The following KYAT1 variants were observed in gnomAD, a reference collection of about 807,000 sequenced individuals.
The protein encoded by KYAT1 is kynurenine aminotransferase 1, also known as kynurenine--oxoglutarate transaminase 1.
A neutral mutation model predicts 52.4 loss-of-function variants in KYAT1; 47 were observed. The observed-to-expected ratio is 0.90, with a 90% CI of 0.71 to 1.14. KYAT1 has a LOEUF of 1.14. Among genes scored for constraint, KYAT1 ranks in the 50% most tolerant of loss-of-function variants. The pLI is 0.00. For synonymous variants in KYAT1, 212 were observed against 209.6 expected, an observed-to-expected ratio of 1.01 and a Z score of -0.10; for missense variants, 480 against 557.9, an observed-to-expected ratio of 0.86 and a Z score of 1.41.
chr9:128,864,982 C>A (rs1233094188), intron 1 of KYAT1, among the ~76,000 whole-genome samples: 2 of 151,428 alleles, frequency 1.3e-5, no homozygotes, highest in Non-Finnish European at 2.9e-5. Flanking sequence ...CTTATGCCTG[C>A]AAGAGAGGCC....
chr9:128,870,610 C>T (rs1723101318), intron 1 of KYAT1, among the ~76,000 whole-genome samples: 1 of 152,044 alleles, frequency 6.6e-6, no homozygotes, highest in South Asian at 2.1e-4. Context: ...GCACTCCAGT[C>T]TGGACAACAG....
intron 1 of KYAT1, among the ~76,000 whole-genome samples, chr9:128,852,226 G>C (rs78383211): frequency 6.6e-6 from 1 of 152,178 alleles, no homozygotes; most frequent in Non-Finnish European, 1.5e-5. Flanking sequence ...CTTAAGAGCT[G>C]TTAATGCCAT....
At chr9:128,870,361 G>A (rs1050937103) in intron 1 of KYAT1, among the ~76,000 whole-genome samples, 1 of 152,180 alleles carries the variant, frequency 6.6e-6, no homozygotes, top group Admixed American at 6.6e-5. Flanking sequence ...AATATATTAA[G>A]TGAGGCCAGG....
At chr9:128,865,359 A>ATTTTTTTTTTATTTT (rs1836208522) in intron 1 of KYAT1, among the ~76,000 whole-genome samples, 3 of 27,318 alleles carry the variant, frequency 1.1e-4, no homozygotes, top group African/African-American at 1.0e-3. Flanking sequence ...ATATATATAT[A>ATTTTTTTTTTATTTT]TTTTTTTTTT....
intron 1 of KYAT1, among the ~76,000 whole-genome samples, chr9:128,858,534 C>T (rs1835001340): frequency 6.7e-6 from 1 of 150,206 alleles, no homozygotes; most frequent in Non-Finnish European, 1.5e-5. Flanking sequence ...CCCATCTCTA[C>T]TAAAACTACA....
intron 2 of KYAT1, among the ~76,000 whole-genome samples, chr9:128,843,810 G>A (rs1227496045): frequency 6.6e-6 from 1 of 152,126 alleles, no homozygotes; most frequent in Non-Finnish European, 1.5e-5. Context: ...CCAAATACTA[G>A]TTGAGACCCC....
At chr9:128,878,586 G>A (rs1838348844) in intron 1 of KYAT1, among the ~76,000 whole-genome samples, 1 of 152,132 alleles carries the variant, frequency 6.6e-6, no homozygotes, top group African/African-American at 2.4e-5. Flanking sequence ...ACAATTTGTT[G>A]AGCCAATGTT....
chr9:128,840,575 A>AAAAG (rs991828178), intron 3 of KYAT1: 14 of 424,162 alleles, frequency 3.3e-5, no homozygotes, highest in East Asian at 1.4e-4. Flanking sequence ...AAAGAAAAAA[A>AAAAG]AAAGAAAGAA....
chr9:128,865,332 TATATATATATATATATATATA>T (rs1836124531), intron 1 of KYAT1, among the ~76,000 whole-genome samples: 25 of 2,346 alleles, frequency 0.011, 2 homozygotes, highest in East Asian at 0.025. Flanking sequence ...TATATATATA[TATATATATATATATATATATA>T]TATATATTTT....
intron 11 of KYAT1, among the ~76,000 whole-genome samples, chr9:128,834,139 TCCCAGCTACTTGGG>T (rs1830586884): frequency 6.6e-6 from 1 of 152,152 alleles, no homozygotes; most frequent in South Asian, 2.1e-4. Context: ...ATGCCTGTAA[TCCCAGCTACTTGGG>T]AGGCTGAGGC....
intron 1 of KYAT1, among the ~76,000 whole-genome samples, chr9:128,873,426 T>C (rs996870221): frequency 2.0e-5 from 3 of 149,944 alleles, no homozygotes; most frequent in Non-Finnish European, 4.4e-5. Flanking sequence ...ACACTGAAAA[T>C]TAAGACGTTT....
rs74942940 is a variant in KYAT1, at chr9:128,873,363, GA to G, written c.-7+8533del. On this transcript the variant is annotated intron_variant, in intron 1 of 12. Coordinates refer to ENST00000302586, the MANE Select transcript of KYAT1 (RefSeq NM_004059.5). Reference sequence around the variant, plus strand: ...TTAAAAATAAAAAAGTATAGAAAATGAAAAAAAAAAAAAACTAATAAGAACT... The same window carrying G: ...TTAAAAATAAAAAAGTATAGAAAATGAAAAAAAAAAAAACTAATAAGAACT... 3.9e-3 allele frequency among the ~76,000 whole-genome samples: 416 copies of G among 107,702 alleles called. 4 individuals carry two copies. The highest frequency in any genetic ancestry group is 0.014 in the Middle Eastern group (3 of 214). The allele number at this position is 107,702 out of a possible 152,430, so 70.7% of individuals were successfully genotyped here.
chr9:128,851,092 G>C (rs1483601335), intron 1 of KYAT1, among the ~76,000 whole-genome samples: 2 of 152,174 alleles, frequency 1.3e-5, no homozygotes, highest in Non-Finnish European at 2.9e-5. Context: ...ACCGGTACTG[G>C]TGCAGGTCCT....
chr9:128,877,413 C>T (rs1838204186), intron 1 of KYAT1, among the ~76,000 whole-genome samples: 1 of 152,204 alleles, frequency 6.6e-6, no homozygotes, highest in Middle Eastern at 3.2e-3. Flanking sequence ...TAATCCTCAT[C>T]ACAGCTGATT....
upstream of KYAT1, chr9:128,882,215 G>A (rs963510380): frequency 6.5e-6 from 1 of 153,276 alleles, no homozygotes; most frequent in African/African-American, 2.4e-5. Context: ...CGGGGCCTGG[G>A]GCTGCCTGCC....
intron 3 of KYAT1, 81 bp from the exon 4 acceptor site, chr9:128,838,448 C>T (rs1831542146): frequency 1.9e-6 from 3 of 1,558,080 alleles, no homozygotes; most frequent in Non-Finnish European, 2.6e-6. Context: ...AATTCTAGCA[C>T]CTTCCAGCAG....
chr9:128,838,004 A>G (rs563199312), intron 5 of KYAT1, 47 bp downstream of exon 5: 3 of 1,586,002 alleles, frequency 1.9e-6, no homozygotes, highest in Admixed American at 1.7e-5. Context: ...AACTCAGCCC[A>G]CGCCTTGGAT....
chr9:128,849,877 TTTC>T (rs200826386), intron 1 of KYAT1, among the ~76,000 whole-genome samples: 1 of 82,594 alleles, frequency 1.2e-5, no homozygotes, highest in Non-Finnish European at 2.1e-5. Context: ...AATTTTTTAT[TTTC>T]TTCTTTTTTT....
intron 1 of KYAT1, among the ~76,000 whole-genome samples, chr9:128,880,873 C>A (rs1838757413): frequency 6.6e-6 from 1 of 152,136 alleles, no homozygotes; most frequent in Admixed American, 6.6e-5. Flanking sequence ...GGAGCCACGA[C>A]TATCTTCATC....
Sources: gnomAD v4.1 joint callset for allele counts (sites outside exome capture counted in the v4.1 genomes callset) on GRCh38, gnomAD v4.1.1 for gene constraint, MANE v1.5 for transcripts, NCBI Gene and HGNC (gene_info 2026-07-23, HGNC 2026-07-21) for gene names.